Variants in ZNF148 observed in about 807,000 individuals in gnomAD.
The protein encoded by ZNF148 is zinc finger protein 148.
Under a neutral mutation model 67.7 loss-of-function variants are expected in ZNF148, and 7 were observed. That is an observed-to-expected ratio of 0.10 (90% CI 0.06 to 0.19). ZNF148 has a LOEUF of 0.19. Among genes scored for constraint, ZNF148 ranks in the 10% least tolerant of loss-of-function variants. The pLI, the probability that ZNF148 is intolerant of heterozygous loss-of-function variation, is 1.00. For missense variants in ZNF148, 583 were observed against 947.1 expected (o/e 0.62, Z 5.05); for synonymous variants, 333 against 330.7 (o/e 1.01, Z -0.08).
chr3:125,240,693 G>A (rs1339076925), intron 7 of ZNF148, among the ~76,000 whole-genome samples: 3 of 151,894 alleles, frequency 2.0e-5, no homozygotes, highest in South Asian at 2.1e-4. Flanking sequence ...GAGCCTGGGA[G>A]GTTGAGGCTG....
rs1027038043 is a variant in ZNF148 at position 125,227,965 on chromosome 3, G to T, written c.*4376C>A. On this transcript the variant is annotated 3_prime_UTR_variant, in exon 9 of 9. Transcript: ENST00000360647. The stretch of plus-strand genomic sequence containing the variant: ...ATCTACTCACTTGAAACTATAATAG[G>T]TTTGTCTTTCTTTGTATTGAAGTTG... 1 of 152,510 alleles carries T rather than the reference G, an allele frequency of 6.6e-6. No homozygotes were observed. The highest frequency in any genetic ancestry group is 1.5e-5 in the Non-Finnish European group (1 of 68,032). The allele number at this position is 152,510 out of a possible 1,614,324, so 9.4% of individuals were successfully genotyped here. A position where few individuals can be genotyped will look rare whatever the true frequency, so the allele number is the denominator to read the frequency against.
At chr3:125,349,944 A>G (rs1367421495) in intron 1 of ZNF148, among the ~76,000 whole-genome samples, 1 of 152,206 alleles carries the variant, frequency 6.6e-6, no homozygotes, top group Non-Finnish European at 1.5e-5. Context: ...AGATACATGA[A>G]CTTGTATGAA....
intron 2 of ZNF148, among the ~76,000 whole-genome samples, chr3:125,329,272 A>G (rs1417983589): frequency 1.4e-5 from 2 of 147,510 alleles, no homozygotes; most frequent in Admixed American, 6.8e-5. Context: ...ATATGAATGT[A>G]TATTTATATG....
chr3:125,329,312 GATAT>G lies in ZNF148; in HGVS notation c.-153+1842_-153+1845del, dbSNP rs200587493. On this transcript the variant is annotated intron_variant, in intron 2 of 8. Transcript: ENST00000360647. Reference sequence around the variant, plus strand: ...TGTATATATGTATATTCATACTACAGATATATATATAATTTTTTATATATATATA... The same window carrying G: ...TGTATATATGTATATTCATACTACAGATATATAATTTTTTATATATATATA... Among the ~76,000 whole-genome samples the G allele has an allele frequency of 5.4e-3, 783 of 144,992 alleles. 6 individuals are homozygous for G. The highest frequency in any genetic ancestry group is 0.018 in the African/African-American group (729 of 39,908).
intron 2 of ZNF148, among the ~76,000 whole-genome samples, chr3:125,330,543 T>A (rs1263425573): frequency 6.6e-6 from 1 of 150,930 alleles, no homozygotes; most frequent in Non-Finnish European, 1.5e-5. Context: ...ATTTTTATGA[T>A]CAGGCCGGGT....
In ZNF148 at chr3:125,261,096, G is replaced by A. The variant is rs531678254; in HGVS notation, c.667+16630C>T. On this transcript the variant is annotated intron_variant, in intron 7 of 8. Transcript: ENST00000360647. ...GAGAAAGACTGACAAGCTTTTAAAA[G>A]GGCCACAAAGTAAATATTTTAGGCT... 5.9e-5 allele frequency among the ~76,000 whole-genome samples: 9 copies of A among 152,244 alleles called. No homozygotes were observed. The East Asian group carries it at 1.5e-3, about 26-fold the overall frequency.
At chr3:125,317,355 C>T (rs1940548873) in intron 3 of ZNF148, among the ~76,000 whole-genome samples, 1 of 152,032 alleles carries the variant, frequency 6.6e-6, no homozygotes, top group Non-Finnish European at 1.5e-5. Context: ...ACTCTTGATC[C>T]AGCAATCTCA....
chr3:125,349,361 A>T (rs1257212085), intron 1 of ZNF148, among the ~76,000 whole-genome samples: 1 of 152,242 alleles, frequency 6.6e-6, no homozygotes, highest in Non-Finnish European at 1.5e-5. Flanking sequence ...ATATACAAGG[A>T]ACTCCTACAA....
intron 7 of ZNF148, among the ~76,000 whole-genome samples, chr3:125,248,204 G>C (rs1294070477): frequency 6.6e-6 from 1 of 152,156 alleles, no homozygotes; most frequent in Non-Finnish European, 1.5e-5. Context: ...AAACACAAAT[G>C]AGTTAGAATC....
At chr3:125,260,100 G>A (rs1937268093) in intron 7 of ZNF148, among the ~76,000 whole-genome samples, 1 of 152,224 alleles carries the variant, frequency 6.6e-6, no homozygotes, top group Admixed American at 6.5e-5. Context: ...TCTTATGTGG[G>A]TGCAGTTTGT....
At position 125,254,751 on chromosome 3, in the gene ZNF148, T is replaced by C. The variant is rs367957800; in HGVS notation, c.668-20422A>G. ...TACTAATCCTTACATATAAAGTGTG[T>C]CTCTTGTAAGAAGCATGCCATACGG... On this transcript the variant is annotated intron_variant, in intron 7 of 8. Coordinates refer to ENST00000360647, the MANE Select transcript of ZNF148 (RefSeq NM_021964.3). 8.3e-4 allele frequency among the ~76,000 whole-genome samples: 126 copies of C among 152,282 alleles called. 2 individuals are homozygous for C. The highest frequency in any genetic ancestry group is 2.8e-3 in the African/African-American group (117 of 41,528).
intron 7 of ZNF148, among the ~76,000 whole-genome samples, chr3:125,237,596 T>C (rs1936151122): frequency 6.6e-6 from 1 of 151,938 alleles, no homozygotes; most frequent in African/African-American, 2.4e-5. Context: ...AAAATTAAAC[T>C]AAATTTAAAA....
At position 125,319,970 on chromosome 3, in the gene ZNF148, T is replaced by C. The variant is rs983433597; in HGVS notation, c.-17+3339A>G. Among the ~76,000 whole-genome samples, 8 of 152,192 alleles carry C rather than the reference T, an allele frequency of 5.3e-5. 1 individual carries two copies. In the South Asian group the frequency reaches 1.4e-3, roughly 28 times the overall value. On this transcript the variant is annotated intron_variant, in intron 3 of 8. Transcript: ENST00000360647. ...GCTTGGCTTGGCAAAGCAATCAAAC[T>C]GTCCTTAGCTGACTACTCCACCTCA...
intron 7 of ZNF148, among the ~76,000 whole-genome samples, chr3:125,256,625 G>A (rs1271180389): frequency 2.0e-5 from 3 of 152,098 alleles, no homozygotes; most frequent in East Asian, 1.9e-4. Flanking sequence ...GCAGTGAGCC[G>A]AGATCGTGCC....
In ZNF148 at chr3:125,284,963, G is replaced by A. The variant is rs868641017; in HGVS notation, c.459+3140C>T. Among the ~76,000 whole-genome samples the A allele has an allele frequency of 4.0e-5, 6 of 148,996 alleles. No homozygotes were observed. In the Middle Eastern group the frequency reaches 0.011, roughly 270 times the overall value. On this transcript the variant is annotated intron_variant, in intron 5 of 8. Transcript: ENST00000360647. ...TTTGCCATATGAGAAAAGTTCAGAA[G>A]GCAATTATTGCTTAAAATCCATGGC... is the stretch of plus-strand genomic sequence containing the variant.
intron 3 of ZNF148, among the ~76,000 whole-genome samples, chr3:125,317,742 C>T (rs1940590340): frequency 7.0e-6 from 1 of 143,298 alleles, no homozygotes; most frequent in African/African-American, 2.6e-5. Context: ...AAGAAACTTA[C>T]CTGGAATTTG....
intron 7 of ZNF148, among the ~76,000 whole-genome samples, chr3:125,253,985 T>C (rs1936961666): frequency 6.6e-6 from 1 of 152,176 alleles, no homozygotes; most frequent in Non-Finnish European, 1.5e-5. Context: ...AGACTAGCAT[T>C]ATTTTTTCCT....
At chr3:125,314,318 A>C (rs956736556) in intron 3 of ZNF148, among the ~76,000 whole-genome samples, 2 of 152,240 alleles carry the variant, frequency 1.3e-5, no homozygotes, top group Non-Finnish European at 2.9e-5. Flanking sequence ...TCTTTGAACA[A>C]GGAATTCTAC....
chr3:125,287,007 T>A (rs1384009700), intron 5 of ZNF148, among the ~76,000 whole-genome samples: 1 of 152,198 alleles, frequency 6.6e-6, no homozygotes, highest in African/African-American at 2.4e-5. Context: ...GGTGTAAATA[T>A]TCCCACCATA....
Sources: allele counts gnomAD v4.1 joint callset (sites outside exome capture counted in the v4.1 genomes callset), GRCh38; gene constraint gnomAD v4.1.1; transcripts MANE v1.5; gene names NCBI Gene and HGNC (gene_info 2026-07-23, HGNC 2026-07-21).